TSPAN13: variants seen among roughly 807,000 people sequenced by gnomAD.
TSPAN13 encodes the protein tetraspanin-13.
TSPAN13 carries 18 observed loss-of-function variants against 26.9 expected under a neutral mutation model. The observed-to-expected ratio is 0.67, with a 90% confidence interval of 0.46 to 0.99. The LOEUF is 0.99. Ranked by LOEUF, TSPAN13 falls within the 50% of genes least tolerant of loss-of-function variation. The pLI, the probability that TSPAN13 is intolerant of heterozygous loss-of-function variation, is 0.00. For missense variants in TSPAN13, 201 were observed against 249.6 expected, an observed-to-expected ratio of 0.81 and a Z score of 1.31; for synonymous variants, 116 against 98.4, an observed-to-expected ratio of 1.18 and a Z score of -1.06.
chr7:16,760,077 C>G (rs1235696536), intron 1 of TSPAN13, among the ~76,000 whole-genome samples: 1 of 152,046 alleles, frequency 6.6e-6, no homozygotes, highest in Non-Finnish European at 1.5e-5. Context: ...GAAATGAGGT[C>G]AGAGAAGTCA....
At chr7:16,754,487 G>A (rs1784459655) in intron 1 of TSPAN13, among the ~76,000 whole-genome samples, 1 of 152,222 alleles carries the variant, frequency 6.6e-6, no homozygotes, top group African/African-American at 2.4e-5. Flanking sequence ...CATATGGCTG[G>A]TGTGCCTCTG....
chr7:16,776,786 T>C (rs1784754642), intron 2 of TSPAN13, among the ~76,000 whole-genome samples: 1 of 152,226 alleles, frequency 6.6e-6, no homozygotes, highest in South Asian at 2.1e-4. Context: ...TAAGAATTTT[T>C]ATTTTATTCT....
intron 1 of TSPAN13, among the ~76,000 whole-genome samples, chr7:16,772,676 A>G (rs957895102): frequency 4.6e-5 from 7 of 152,134 alleles, no homozygotes; most frequent in African/African-American, 1.7e-4. Context: ...TCCTTAATTT[A>G]GTTCCATCTT....
rs1315177608 is a variant in TSPAN13, at chr7:16,784,534, G to T, written c.*1043G>T. On this transcript the variant is annotated 3_prime_UTR_variant, in exon 6 of 6. Transcript: ENST00000262067. ...GAAAGTAATGGAAGAATTGATCGAT[G>T]AATTAAGTGAGGTGGAATTCTTTTC... 1 of 152,164 alleles carries T rather than the reference G, an allele frequency of 6.6e-6. No homozygotes were observed. Among genetic ancestry groups the T allele is most frequent in the African/African-American group, 2.4e-5 (1 of 41,460 alleles). The allele number at this position is 152,164 out of a possible 1,614,324, so 9.4% of individuals were successfully genotyped here.
At chr7:16,765,264 TA>T (rs1784592754) in intron 1 of TSPAN13, among the ~76,000 whole-genome samples, 1 of 120,016 alleles carries the variant, frequency 8.3e-6, no homozygotes, top group Non-Finnish European at 1.7e-5. Flanking sequence ...TGCACCTGGC[TA>T]ATTTTTTTTA....
chr7:16,781,233 C>T (rs540998508), intron 5 of TSPAN13, among the ~76,000 whole-genome samples: 1 of 152,282 alleles, frequency 6.6e-6, no homozygotes, highest in African/African-American at 2.4e-5. Flanking sequence ...ATTACCTACT[C>T]AGAAACAATC....
rs370925182 is a variant in TSPAN13 at position 16,764,131 on chromosome 7, C to A, written c.63+10101C>A. 2.0e-5 allele frequency among the ~76,000 whole-genome samples: 3 copies of A among 152,134 alleles called. No individual in the cohort carries two copies. The East Asian group carries it at 5.8e-4, about 29-fold the overall frequency. On this transcript the variant is annotated intron_variant, in intron 1 of 5. Coordinates refer to ENST00000262067, the MANE Select transcript of TSPAN13 (RefSeq NM_014399.4). The stretch of plus-strand genomic sequence containing the variant: ...CTGTCGGGTTCAAGCGATTCTCCTG[C>A]CTCAGTCTTCTGAGTAGCTGGGATT...
intron 1 of TSPAN13, among the ~76,000 whole-genome samples, chr7:16,772,047 G>C (rs1160170664): frequency 6.6e-6 from 1 of 152,042 alleles, no homozygotes; most frequent in African/African-American, 2.4e-5. Context: ...CCCTCTTTTT[G>C]GTTGTAGAGA....
At chr7:16,769,455 G>A (rs1367850221) in intron 1 of TSPAN13, among the ~76,000 whole-genome samples, 1 of 152,044 alleles carries the variant, frequency 6.6e-6, no homozygotes, top group Non-Finnish European at 1.5e-5. Context: ...CTTCTTTCAT[G>A]TTCTTCAAAT....
At position 16,774,672 on chromosome 7, in the gene TSPAN13, C is replaced by T. The variant is rs529696281; in HGVS notation, c.64-1539C>T. On this transcript the variant is annotated intron_variant, in intron 1 of 5. Transcript: ENST00000262067. Reference sequence around the variant, plus strand: ...AGTTGGGAAAATGAGAAGGACTAGACGAATTTCTGAGTGGCAAAATTTGTG... The same window carrying T: ...AGTTGGGAAAATGAGAAGGACTAGATGAATTTCTGAGTGGCAAAATTTGTG... Among the ~76,000 whole-genome samples the T allele has an allele frequency of 5.3e-5, 8 of 152,224 alleles. No individual in the cohort carries two copies. In the South Asian group the frequency reaches 1.5e-3, roughly 28 times the overall value.
chr7:16,765,375 A>G (rs1035500640), intron 1 of TSPAN13, among the ~76,000 whole-genome samples: 9 of 152,156 alleles, frequency 5.9e-5, no homozygotes, highest in African/African-American at 1.9e-4. Flanking sequence ...AAGTGCTAGG[A>G]TTACAGGCAT....
chr7:16,783,285 A>T, intron 5 of TSPAN13, 132 bp from the exon 6 acceptor site: 1 of 873,546 alleles, frequency 1.1e-6, no homozygotes, highest in Non-Finnish European at 1.7e-6. Context: ...AAAAAGAAAA[A>T]AAATCTCTCC....
At chr7:16,770,846 G>A (rs1010704675) in intron 1 of TSPAN13, among the ~76,000 whole-genome samples, 1 of 152,168 alleles carries the variant, frequency 6.6e-6, no homozygotes, top group African/African-American at 2.4e-5. Context: ...CATGCCTGAG[G>A]CAGTGTACTC....
chr7:16,767,836 A>G (rs1784624366), intron 1 of TSPAN13, among the ~76,000 whole-genome samples: 1 of 151,078 alleles, frequency 6.6e-6, no homozygotes, highest in Non-Finnish European at 1.5e-5. Flanking sequence ...CAGTGAATTG[A>G]CTCTTACTAC....
intron 5 of TSPAN13, among the ~76,000 whole-genome samples, chr7:16,779,452 G>GT: frequency 6.6e-6 from 1 of 151,966 alleles, no homozygotes; most frequent in South Asian, 2.1e-4. Context: ...CATTCACATT[G>GT]TTTAATATGT....
chr7:16,782,868 T>C (rs922476344), intron 5 of TSPAN13, among the ~76,000 whole-genome samples: 11 of 152,188 alleles, frequency 7.2e-5, no homozygotes, highest in South Asian at 4.1e-4. Flanking sequence ...CACAAACTTA[T>C]TGTCTTACAG....
At chr7:16,765,309 C>T (rs935054585) in intron 1 of TSPAN13, among the ~76,000 whole-genome samples, 6 of 151,976 alleles carry the variant, frequency 3.9e-5, no homozygotes, top group Admixed American at 1.3e-4. Flanking sequence ...CCCCATGTTG[C>T]CCAGGCTGGT....
At chr7:16,770,788 C>T (rs1220530590) in intron 1 of TSPAN13, among the ~76,000 whole-genome samples, 1 of 152,192 alleles carries the variant, frequency 6.6e-6, no homozygotes, top group Non-Finnish European at 1.5e-5. Context: ...AATGCCGTCA[C>T]CTCTTGTAAT....
chr7:16,777,790 T>C lies in TSPAN13; in HGVS notation c.313-8T>C. Reference sequence around the variant, plus strand: ...TGACACATTTTATATATTAAACACATTTACTAGGGTCAGCTTCTGGAGGTT... The same window carrying C: ...TGACACATTTTATATATTAAACACACTTACTAGGGTCAGCTTCTGGAGGTT... On this transcript the variant is annotated splice_polypyrimidine_tract_variant and splice_region_variant and intron_variant, in intron 3 of 5. Coordinates refer to ENST00000262067, the MANE Select transcript of TSPAN13 (RefSeq NM_014399.4). 1 of 1,611,134 alleles carries C rather than the reference T, an allele frequency of 6.2e-7. No homozygotes were observed. Among genetic ancestry groups the C allele is most frequent in the South Asian group, 1.1e-5 (1 of 90,752 alleles).
Sources: gnomAD v4.1 joint callset for allele counts (sites outside exome capture counted in the v4.1 genomes callset) on GRCh38, gnomAD v4.1.1 for gene constraint, MANE v1.5 for transcripts, NCBI Gene and HGNC (gene_info 2026-07-23, HGNC 2026-07-21) for gene names.